The following COL24A1 variants were observed in gnomAD, a reference collection of about 807,000 sequenced individuals.
The protein encoded by COL24A1 is collagen type XXIV alpha 1 chain.
In COL24A1, 224 loss-of-function variants were observed where a neutral mutation model predicts 253.9. That is an observed-to-expected ratio of 0.88 (90% CI 0.79 to 0.99). The LOEUF (loss-of-function observed/expected upper bound fraction) is 0.99. Among genes scored for constraint, COL24A1 ranks in the 50% least tolerant of loss-of-function variants. The probability of loss-of-function intolerance (pLI) is 0.00; values close to 1 mark genes in which losing one functional copy is unlikely to be tolerated. For missense variants in COL24A1, 2,131 were observed against 2,068.5 expected (o/e 1.03, Z -0.59); for synonymous variants, 685 against 673.7 (o/e 1.02, Z -0.26).
In COL24A1 at chr1:85,995,756, C is replaced by T. The variant is rs1302465153; in HGVS notation, c.2311-8102G>A. ...GTGACTGAATCATGGGGGCAGATTT[C>T]ACCCTCAGTGCTGCTCTCATGATAC... On this transcript the variant is annotated intron_variant, in intron 19 of 59. Coordinates refer to ENST00000370571, the MANE Select transcript of COL24A1 (RefSeq NM_152890.7). Among the ~76,000 whole-genome samples, 4 of 152,266 alleles carry T rather than the reference C, an allele frequency of 2.6e-5. No homozygotes were observed. In the East Asian group the frequency reaches 5.8e-4, roughly 22 times the overall value.
intron 37 of COL24A1, 80 bp downstream of exon 37, chr1:85,868,439 G>A (rs889153322): frequency 9.9e-5 from 90 of 912,106 alleles, no homozygotes; most frequent in Non-Finnish European, 1.5e-4. Flanking sequence ...GGAGGTCAGA[G>A]TGTGTGTAGG....
intron 20 of COL24A1, among the ~76,000 whole-genome samples, chr1:85,986,789 T>C (rs1693757844): frequency 6.6e-6 from 1 of 151,830 alleles, no homozygotes; most frequent in East Asian, 1.9e-4. Context: ...CTCCTATCAT[T>C]TCATCTCTCT....
At chr1:86,113,987 G>A (rs1705877518) in intron 4 of COL24A1, among the ~76,000 whole-genome samples, 1 of 151,934 alleles carries the variant, frequency 6.6e-6, no homozygotes. Context: ...GTAAAAGTAA[G>A]GACAATGGAA....
intron 2 of COL24A1, among the ~76,000 whole-genome samples, chr1:86,141,851 C>T (rs1651136869): frequency 6.6e-6 from 1 of 152,140 alleles, no homozygotes; most frequent in Non-Finnish European, 1.5e-5. Flanking sequence ...CAGGCATATG[C>T]CACCACATCC....
chr1:86,022,809 T>A (rs750161611), intron 16 of COL24A1, 24 bp downstream of exon 16: 1 of 1,383,310 alleles, frequency 7.2e-7, no homozygotes, highest in Non-Finnish European at 9.5e-7. Flanking sequence ...AAAATTATTT[T>A]TATAATATTA....
intron 43 of COL24A1, among the ~76,000 whole-genome samples, chr1:85,827,870 C>G (rs1033094012): frequency 2.0e-5 from 3 of 151,982 alleles, no homozygotes; most frequent in Non-Finnish European, 4.4e-5. Flanking sequence ...TTCAAAAAAC[C>G]AGCTCCTGGA....
intron 24 of COL24A1, among the ~76,000 whole-genome samples, chr1:85,946,083 G>A (rs1017324452): frequency 2.0e-5 from 3 of 152,114 alleles, no homozygotes; most frequent in Non-Finnish European, 4.4e-5. Context: ...TATAGTTTAT[G>A]CTAAACACTT....
intron 37 of COL24A1, among the ~76,000 whole-genome samples, chr1:85,854,463 C>T (rs1356318364): frequency 6.6e-6 from 1 of 152,046 alleles, no homozygotes; most frequent in African/African-American, 2.4e-5. Context: ...TTTTTGATTC[C>T]ATAAGAATTT....
Position 86,022,832 on chromosome 1 carries a change from C to A in COL24A1, c.2148+1G>T. The A allele has an allele frequency of 1.3e-6, 2 of 1,542,316 alleles. No homozygotes were observed. The highest frequency in any genetic ancestry group is 1.4e-5 in the African/African-American group (1 of 73,298). The stretch of plus-strand genomic sequence containing the variant: ...TTTTATAATATTAATATTTAAATCA[C>A]CTTATCACCTTTGATTCCAGGTAGT... On this transcript the variant is annotated splice_donor_variant, in intron 16 of 59. Transcript: ENST00000370571. LOFTEE classifies it high-confidence loss of function.
At chr1:86,104,273 T>C (rs1261991899) in intron 5 of COL24A1, among the ~76,000 whole-genome samples, 1 of 152,220 alleles carries the variant, frequency 6.6e-6, no homozygotes, top group East Asian at 1.9e-4. Context: ...TGTCAGCTCC[T>C]GTATCATTTC....
Position 85,979,378 on chromosome 1 carries a change from A to T in COL24A1, c.2365-7985T>A, listed in dbSNP as rs570899312. 3.2e-4 allele frequency among the ~76,000 whole-genome samples: 49 copies of T among 152,206 alleles called. 2 individuals carry two copies. The highest frequency in any genetic ancestry group is 3.4e-3 in the Middle Eastern group (1 of 294). ...TAAATTAAATTGAAACAAAAAATAC[A>T]AAGATAAATGAAACAAAAAGCTGGT... On this transcript the variant is annotated intron_variant, in intron 20 of 59. Coordinates refer to ENST00000370571, the MANE Select transcript of COL24A1 (RefSeq NM_152890.7).
intron 55 of COL24A1, among the ~76,000 whole-genome samples, chr1:85,759,491 T>C (rs1192580246): frequency 2.0e-5 from 3 of 152,164 alleles, no homozygotes; most frequent in African/African-American, 7.2e-5. Flanking sequence ...TCTAGAAATC[T>C]TATCCTCAAT....
chr1:86,045,192 A>G (rs12748565), intron 12 of COL24A1, among the ~76,000 whole-genome samples: 34,736 of 151,714 alleles, frequency 0.23, 4,342 homozygotes, highest in Middle Eastern at 0.44. Context: ...GTTTTGCCAT[A>G]TTGGCCAGGC....
intron 10 of COL24A1, among the ~76,000 whole-genome samples, chr1:86,050,827 A>C (rs1700246954): frequency 6.6e-6 from 1 of 152,172 alleles, no homozygotes. Context: ...ATACATATAA[A>C]TAACAATGCA....
chr1:85,829,418 G>A lies in COL24A1; in HGVS notation c.3682-5680C>T, dbSNP rs542117752. The stretch of plus-strand genomic sequence containing the variant: ...TATGTGTCTTGGAGTTGCTCTTCTC[G>A]AGGAGTATCTTTGTGGCGTTCTCTG... On this transcript the variant is annotated intron_variant, in intron 43 of 59. Coordinates refer to ENST00000370571, the MANE Select transcript of COL24A1 (RefSeq NM_152890.7). 2.6e-3 allele frequency among the ~76,000 whole-genome samples: 395 copies of A among 151,068 alleles called. 2 individuals are homozygous for A. Among genetic ancestry groups the A allele is most frequent in the African/African-American group, 5.8e-3 (239 of 41,138 alleles).
chr1:86,024,216 C>G (rs1697809337), intron 14 of COL24A1, among the ~76,000 whole-genome samples: 1 of 152,106 alleles, frequency 6.6e-6, no homozygotes, highest in South Asian at 2.1e-4. Flanking sequence ...TTTGACAAGA[C>G]AGTTACCAGT....
chr1:85,812,406 C>T (rs891393412), intron 47 of COL24A1, among the ~76,000 whole-genome samples: 9 of 152,128 alleles, frequency 5.9e-5, no homozygotes, highest in Admixed American at 2.6e-4. Context: ...TCAACATCAG[C>T]CAGAAGTGTA....
intron 24 of COL24A1, among the ~76,000 whole-genome samples, chr1:85,941,655 T>C (rs561565711): frequency 8.5e-5 from 13 of 152,296 alleles, no homozygotes; most frequent in African/African-American, 3.1e-4. Context: ...CTTTTATTAT[T>C]TCATAGTGAA....
chr1:86,046,953 T>TA, intron 11 of COL24A1, 84 bp from the exon 12 acceptor site: 1 of 834,224 alleles, frequency 1.2e-6, no homozygotes, highest in South Asian at 1.4e-5. Context: ...TATAAAGCAA[T>TA]AAAGTATGAA....
Sources: allele counts gnomAD v4.1 joint callset (sites outside exome capture counted in the v4.1 genomes callset), GRCh38; gene constraint gnomAD v4.1.1; transcripts MANE v1.5; gene names NCBI Gene and HGNC (gene_info 2026-07-23, HGNC 2026-07-21).